Variants in TCF12 observed in about 807,000 individuals in gnomAD.
TCF12 encodes the protein DNA-binding protein HTF4.
TCF12 carries 45 observed loss-of-function variants against 86.0 expected under a neutral mutation model. The ratio of observed to expected loss-of-function variants is 0.52; its 90% CI spans 0.41 to 0.67. TCF12 has a LOEUF of 0.67. Among genes scored for constraint, TCF12 ranks in the 30% least tolerant of loss-of-function variants. The pLI is 0.00. For missense variants in TCF12, 881 were observed against 859.9 expected (o/e 1.02, Z -0.31); for synonymous variants, 330 against 299.6 (o/e 1.10, Z -1.05).
chr15:56,960,612 T>G (rs1467410320), intron 3 of TCF12, among the ~76,000 whole-genome samples: 1 of 151,808 alleles, frequency 6.6e-6, no homozygotes, highest in African/African-American at 2.4e-5. Context: ...GTATTTTTAG[T>G]AGAGATGGGG....
intron 3 of TCF12, among the ~76,000 whole-genome samples, chr15:56,922,094 C>T (rs2059820273): frequency 6.6e-6 from 1 of 151,836 alleles, no homozygotes; most frequent in African/African-American, 2.4e-5. Flanking sequence ...CACCTCCTTC[C>T]TTTTACTGGT....
At chr15:57,276,461 G>A (rs149819061) in intron 19 of TCF12, among the ~76,000 whole-genome samples, 150 of 152,334 alleles carry the variant, frequency 9.8e-4, no homozygotes, top group African/African-American at 3.5e-3. Context: ...AAAGCTGCAT[G>A]TAGGATAGAA....
At chr15:57,136,420 C>G (rs1227707381) in intron 5 of TCF12, among the ~76,000 whole-genome samples, 1 of 152,190 alleles carries the variant, frequency 6.6e-6, no homozygotes, top group Non-Finnish European at 1.5e-5. Flanking sequence ...AGTGGCCTGT[C>G]ATAACCATGG....
rs1184422578 is a variant in TCF12 at position 57,208,380 on chromosome 15, C to CTTTTTTTTTTTT, written c.579+10563_579+10574dup. Among the ~76,000 whole-genome samples the CTTTTTTTTTTTT allele has an allele frequency of 3.0e-3, 199 of 65,588 alleles. 19 individuals carry two copies. The highest frequency in any genetic ancestry group is 3.4e-3 in the Non-Finnish European group (133 of 39,202). The allele number at this position is 65,588 out of a possible 152,430, so 43.0% of individuals were successfully genotyped here. A position where few individuals can be genotyped will look rare whatever the true frequency, so the allele number is the denominator to read the frequency against. ...ACCTTGTTCTTTGGACAAAAATATCCTTTTTTTTTTTTTTTTTTTGGAGAC... is the reference window on the plus strand; with the variant it reads ...ACCTTGTTCTTTGGACAAAAATATCCTTTTTTTTTTTTTTTTTTTTTTTTTTTTTTTGGAGAC... On this transcript the variant is annotated intron_variant, in intron 8 of 20. Transcript: ENST00000333725.
intron 3 of TCF12, among the ~76,000 whole-genome samples, chr15:57,031,469 C>A (rs1362184118): frequency 6.6e-6 from 1 of 152,144 alleles, no homozygotes; most frequent in African/African-American, 2.4e-5. Context: ...AATAATCAGA[C>A]CCTATAACTC....
At chr15:57,169,528 A>T (rs924899678) in intron 6 of TCF12, among the ~76,000 whole-genome samples, 3 of 152,204 alleles carry the variant, frequency 2.0e-5, no homozygotes, top group Non-Finnish European at 2.9e-5. Context: ...GTTAAACTGT[A>T]TGGGCTTATG....
At chr15:57,183,894 C>T in intron 6 of TCF12, among the ~76,000 whole-genome samples, 2 of 152,262 alleles carry the variant, frequency 1.3e-5, no homozygotes, top group Middle Eastern at 6.8e-3. Context: ...GTTTCCAGAA[C>T]ATGAGTATTT....
At chr15:57,009,903 G>C (rs1294214902) in intron 3 of TCF12, among the ~76,000 whole-genome samples, 1 of 152,116 alleles carries the variant, frequency 6.6e-6, no homozygotes, top group Admixed American at 6.5e-5. Flanking sequence ...AAAACTAACT[G>C]TTTTATGGAT....
rs750970661 is a variant in TCF12, at chr15:57,192,168, T to A, written c.401T>A (p.Leu134Gln). 1.2e-6 allele frequency: 2 copies of A among 1,613,928 alleles called. No homozygotes were observed. The highest frequency in any genetic ancestry group is 4.5e-5 in the East Asian group (2 of 44,872). ...GGCCTTATTTTATAGTCTAGTCTCC[T>A]GAGACAAGATCTGGGGCTTGGGAGC... is the stretch of plus-strand genomic sequence containing the variant. ...TGLPGCQSSL[L>Q]RQDLGLGSPA... The change falls in exon 7 of 21, where the codon CTG (leucine) becomes CAG (glutamine). Residue 134 changes from leucine to glutamine, a missense_variant. Coordinates refer to ENST00000333725, the MANE Select transcript of TCF12 (RefSeq NM_207037.2).
chr15:57,139,506 T>G (rs1567500938), intron 5 of TCF12, among the ~76,000 whole-genome samples: 1 of 152,144 alleles, frequency 6.6e-6, no homozygotes, highest in Non-Finnish European at 1.5e-5. Flanking sequence ...TTAGTGAATC[T>G]TAGTCCTTTT....
chr15:57,004,448 G>A lies in TCF12; in HGVS notation c.149-59302G>A, dbSNP rs145197444. On this transcript the variant is annotated intron_variant, in intron 3 of 20. Coordinates refer to ENST00000333725, the MANE Select transcript of TCF12 (RefSeq NM_207037.2). Reference sequence around the variant, plus strand: ...TTTTGAGGCGGAGTCTAGCTCTGTCGCCCAGGCTGGAGTGCAGTGGCGCGA... The same window carrying A: ...TTTTGAGGCGGAGTCTAGCTCTGTCACCCAGGCTGGAGTGCAGTGGCGCGA... Among the ~76,000 whole-genome samples the A allele has an allele frequency of 6.0e-3, 913 of 151,838 alleles. 3 individuals are homozygous for A. The highest frequency in any genetic ancestry group is 0.01 in the Middle Eastern group (3 of 294).
At chr15:57,272,488 C>T (rs2061188956) in intron 18 of TCF12, among the ~76,000 whole-genome samples, 1 of 152,224 alleles carries the variant, frequency 6.6e-6, no homozygotes, top group African/African-American at 2.4e-5. Flanking sequence ...TTTCTTTTCG[C>T]CAGGTAACCG....
chr15:57,099,259 T>C (rs1191886076), intron 5 of TCF12, among the ~76,000 whole-genome samples: 1 of 152,180 alleles, frequency 6.6e-6, no homozygotes, highest in Non-Finnish European at 1.5e-5. Flanking sequence ...ACCTGAAGGC[T>C]TCTTTTCTAC....
chr15:57,208,496 C>G lies in TCF12; in HGVS notation c.579+10671C>G, dbSNP rs1245585067. On this transcript the variant is annotated intron_variant, in intron 8 of 20. Transcript: ENST00000333725. ...CTCCTGGGCTCAAGTGATCCTCACACCTCAGCCTCCCGAGTAGCTGGAACT... is the reference window on the plus strand; with the variant it reads ...CTCCTGGGCTCAAGTGATCCTCACAGCTCAGCCTCCCGAGTAGCTGGAACT... Among the ~76,000 whole-genome samples, 8 of 147,098 alleles carry G rather than the reference C, an allele frequency of 5.4e-5. No homozygotes were observed. In the Admixed American group the frequency reaches 5.7e-4, roughly 10 times the overall value.
intron 6 of TCF12, among the ~76,000 whole-genome samples, chr15:57,168,843 T>G (rs1376730613): frequency 1.3e-5 from 2 of 152,036 alleles, no homozygotes; most frequent in African/African-American, 2.4e-5. Flanking sequence ...GTCAGGAGTT[T>G]GAGACCAGCC....
At chr15:57,029,523 G>A (rs1419698089) in intron 3 of TCF12, among the ~76,000 whole-genome samples, 1 of 151,998 alleles carries the variant, frequency 6.6e-6, no homozygotes, top group Admixed American at 6.6e-5. Flanking sequence ...TTATTACTTG[G>A]AGAAAAGTAT....
chr15:57,009,567 A>G (rs1450015530), intron 3 of TCF12, among the ~76,000 whole-genome samples: 4 of 152,228 alleles, frequency 2.6e-5, no homozygotes, highest in African/African-American at 4.8e-5. Context: ...ACCATTAGAA[A>G]GCATTTATTG....
At chr15:57,068,771 A>G (rs908214318) in intron 4 of TCF12, among the ~76,000 whole-genome samples, 6 of 152,010 alleles carry the variant, frequency 3.9e-5, no homozygotes, top group Admixed American at 2.6e-4. Context: ...TGATTTGGAA[A>G]CTTGTACTGT....
intron 13 of TCF12, 112 bp downstream of exon 13, chr15:57,243,662 T>C: frequency 1.1e-6 from 1 of 913,888 alleles, no homozygotes; most frequent in Non-Finnish European, 1.7e-6. Context: ...ATTTAGATTT[T>C]GACTATAAGA....
Sources: allele counts gnomAD v4.1 joint callset (sites outside exome capture counted in the v4.1 genomes callset), GRCh38; gene constraint gnomAD v4.1.1; transcripts MANE v1.5; gene names NCBI Gene and HGNC (gene_info 2026-07-23, HGNC 2026-07-21).